MYRF: variants seen among roughly 807,000 people sequenced by gnomAD.
The protein encoded by MYRF is myelin gene regulatory factor.
MYRF carries 16 observed loss-of-function variants against 126.3 expected under a neutral mutation model. The observed-to-expected ratio is 0.13, with a 90% CI of 0.09 to 0.19. The LOEUF is 0.19. Among genes scored for constraint, MYRF ranks in the 10% least tolerant of loss-of-function variants. The pLI, the probability that MYRF is intolerant of heterozygous loss-of-function variation, is 1.00. For synonymous variants in MYRF, 608 were observed against 635.3 expected, an observed-to-expected ratio of 0.96 and a Z score of 0.65; for missense variants, 1,104 against 1,547.0, an observed-to-expected ratio of 0.71 and a Z score of 4.80.
rs761273770 is a variant in MYRF at position 61,776,379 on chromosome 11, C to T, written c.1446C>T (p.Ser482=). 1.1e-5 allele frequency: 17 copies of T among 1,613,054 alleles called. No individual in the cohort carries two copies. Among genetic ancestry groups the T allele is most frequent in the Admixed American group, 6.7e-5 (4 of 59,978 alleles). The change falls in exon 10 of 27, where the codon AGC becomes AGT. Residue 482 remains serine, a synonymous_variant. Coordinates refer to ENST00000278836, the MANE Select transcript of MYRF (RefSeq NM_001127392.3). The surrounding 1 kb of genome is among the most constrained non-coding windows in gnomAD (Gnocchi z 4.3). ...TKVTVGRLHF[S]ETTANNMRKK... is the part of the protein sequence containing the mutation. ...TGACTGTGGGGCGGCTGCACTTCAG[C>T]GAGACCACCGCTAACAACATGCGTA...
chr11:61,770,644 G>T, intron 5 of MYRF, 119 bp downstream of exon 5: 2 of 993,832 alleles, frequency 2.0e-6, no homozygotes, highest in South Asian at 3.4e-5. Context: ...AGGGAGGGCA[G>T]AAGGCTCTGC....
chr11:61,758,002 T>C (rs1591075421), intron 1 of MYRF, among the ~76,000 whole-genome samples: 1 of 152,040 alleles, frequency 6.6e-6, no homozygotes, highest in Admixed American at 6.5e-5. Context: ...GCAGCCTCCT[T>C]GACCTCTCTA....
intron 7 of MYRF, among the ~76,000 whole-genome samples, chr11:61,772,774 C>T (rs1393578078): frequency 2.0e-5 from 3 of 152,228 alleles, no homozygotes; most frequent in African/African-American, 7.2e-5. Flanking sequence ...GTGGCCCAGG[C>T]ACTTCCTGGG....
chr11:61,786,301 G>C lies in MYRF; in HGVS notation c.*158G>C. On this transcript the variant is annotated 3_prime_UTR_variant, in exon 27 of 27. Coordinates refer to ENST00000278836, the MANE Select transcript of MYRF (RefSeq NM_001127392.3). The surrounding 1 kb of genome is among the most constrained non-coding windows in gnomAD (Gnocchi z 4.5). ...TGAAACTGGAAGTCTTCACACTGGA[G>C]TTGCTGTTCCAGCTGGTCGCCCCTC... The C allele has an allele frequency of 1.4e-6, 1 of 719,728 alleles. No homozygotes were observed. 44.6% of individuals were successfully genotyped at this position (719,728 alleles called of 1,614,324 possible).
In MYRF at chr11:61,783,860, C is replaced by T; in HGVS notation, c.3129C>T (p.Asn1043=). ...CAPGDACRPG[N]FTYHIPVSSG... is the part of the protein sequence containing the mutation. ...AGTTTTGCCCCTGCAGGCCTGGGAA[C>T]TTCACCTACCACATCCCTGTCAGTA... The change falls in exon 24 of 27, where the codon AAC becomes AAT. Residue 1043 remains asparagine (N), a synonymous_variant. Transcript: ENST00000278836. This position sits in a 1 kb window ranked among gnomAD's most constrained non-coding sequence, Gnocchi z 4.6. The T allele has an allele frequency of 6.2e-7, 1 of 1,607,394 alleles. No homozygotes were observed. The highest frequency in any genetic ancestry group is 8.5e-7 in the Non-Finnish European group (1 of 1,176,808).
chr11:61,786,121 A>G lies in MYRF; in HGVS notation c.3434A>G (p.His1145Arg). 11 of 1,614,000 alleles carry G rather than the reference A, an allele frequency of 6.8e-6. No individual in the cohort carries two copies. Among genetic ancestry groups the G allele is most frequent in the Non-Finnish European group, 8.5e-6 (10 of 1,179,956 alleles). The change falls in exon 27 of 27, where the codon CAC becomes CGC. Residue 1145 changes from histidine to arginine, a missense_variant. Physicochemically the swap from His to Arg is conservative, Grantham distance 29. Transcript: ENST00000278836. The surrounding 1 kb of genome is among the most constrained non-coding windows in gnomAD (Gnocchi z 4.5). ...CAGCCAGCCACAGACTACCACTTCC[A>G]CTTCTACCGCCTGTGTGACTGAGCT... is the stretch of plus-strand genomic sequence containing the variant. ...LAQPATDYHF[H>R]FYRLCD
At chr11:61,764,521 C>G (rs1232119333) in intron 1 of MYRF, among the ~76,000 whole-genome samples, 1 of 152,176 alleles carries the variant, frequency 6.6e-6, no homozygotes, top group Non-Finnish European at 1.5e-5. Context: ...CCTGTCTGAG[C>G]TCAACAGGAG....
intron 1 of MYRF, among the ~76,000 whole-genome samples, chr11:61,756,263 C>T (rs2238003): frequency 0.22 from 33,741 of 151,960 alleles, 4,868 homozygotes; most frequent in East Asian, 0.39. Context: ...CCAGAGTGGA[C>T]ACCTAGCCCC....
Position 61,787,071 on chromosome 11 carries a change from C to T in MYRF, c.*928C>T, listed in dbSNP as rs1370441860. 6.5e-6 allele frequency: 1 copy of T among 152,788 alleles called. No individual in the cohort carries two copies. Among genetic ancestry groups the T allele is most frequent in the Non-Finnish European group, 1.5e-5 (1 of 68,068 alleles). The allele number at this position is 152,788 out of a possible 1,614,324, so 9.5% of individuals were successfully genotyped here. ...TCTGAGCAGAGGAGCAGGAATCCCT[C>T]AAGCAGCAGCCTGGTCTTGGCTGGT... On this transcript the variant is annotated 3_prime_UTR_variant, in exon 27 of 27. Transcript: ENST00000278836.
At chr11:61,769,828 G>C (rs1178123137) in intron 4 of MYRF, among the ~76,000 whole-genome samples, 1 of 152,190 alleles carries the variant, frequency 6.6e-6, no homozygotes, top group Admixed American at 6.5e-5. Context: ...AGGCTGGGGG[G>C]CTGGCCCCTG....
rs2135832416 is a variant in MYRF at position 61,776,449 on chromosome 11, C to T, written c.1499+17C>T. ...GGACCAGAGGTGAGCAGGTGGGGGCCCTGCCCCGGAGCCCCTCCATTTCTG... is the reference window on the plus strand; with the variant it reads ...GGACCAGAGGTGAGCAGGTGGGGGCTCTGCCCCGGAGCCCCTCCATTTCTG... On this transcript the variant is annotated intron_variant, in intron 10 of 26. Transcript: ENST00000278836. The surrounding 1 kb of genome is among the most constrained non-coding windows in gnomAD (Gnocchi z 4.3). 2 of 1,600,814 alleles carry T rather than the reference C, an allele frequency of 1.2e-6. No homozygotes were observed. The highest frequency in any genetic ancestry group is 1.7e-6 in the Non-Finnish European group (2 of 1,172,232).
intron 25 of MYRF, 29 bp from the exon 26 acceptor site, chr11:61,785,771 G>C: frequency 6.2e-7 from 1 of 1,600,240 alleles, no homozygotes; most frequent in Non-Finnish European, 8.6e-7. Flanking sequence ...GCAGCAGTCT[G>C]TCCTGACCCC....
At chr11:61,754,891 G>C (rs1317486838) in intron 1 of MYRF, among the ~76,000 whole-genome samples, 2 of 152,216 alleles carry the variant, frequency 1.3e-5, no homozygotes, top group Non-Finnish European at 2.9e-5. Flanking sequence ...AGGCCCATGT[G>C]GGGGACCCAC....
At chr11:61,774,225 C>T (rs2135813653) in intron 8 of MYRF, 63 bp downstream of exon 8, 1 of 1,453,494 alleles carries the variant, frequency 6.9e-7, no homozygotes, top group East Asian at 2.4e-5. Flanking sequence ...CTGAAAGACC[C>T]CAGAAAAAGC....
In MYRF at chr11:61,784,279, GCTC is replaced by G; in HGVS notation, c.3202_3204del (p.Ser1068del). 1 of 1,613,720 alleles carries G rather than the reference GCTC, an allele frequency of 6.2e-7. No individual in the cohort carries two copies. Among genetic ancestry groups the G allele is most frequent in the Non-Finnish European group, 8.5e-7 (1 of 1,179,908 alleles). ...TCTCTGCTAACTGGGCCTGTCTACA[GCTC>G]CTCCTCCCCCGTGTCTGTGGTGCTG... On this transcript the variant is annotated inframe_deletion and splice_region_variant, in exon 25 of 27. Transcript: ENST00000278836.
intron 25 of MYRF, 182 bp downstream of exon 25, chr11:61,784,567 T>C: frequency 1.7e-6 from 1 of 592,648 alleles, no homozygotes; most frequent in South Asian, 2.0e-5. Context: ...CCCGTGTTTG[T>C]TCATTGCACT....
chr11:61,779,064 C>T (rs2066469034), intron 14 of MYRF, 199 bp from the exon 15 acceptor site: 1 of 653,036 alleles, frequency 1.5e-6, no homozygotes, highest in South Asian at 1.7e-5. Flanking sequence ...GGAGGTGTTG[C>T]TCGGAGACAG....
At chr11:61,769,766 A>G (rs2066157828) in intron 4 of MYRF, among the ~76,000 whole-genome samples, 1 of 152,044 alleles carries the variant, frequency 6.6e-6, no homozygotes, top group South Asian at 2.1e-4. Flanking sequence ...CTTACCAAAA[A>G]CATCCCTGGA....
intron 1 of MYRF, 21 bp from the exon 2 acceptor site, chr11:61,765,603 GC>G (rs1284027616): frequency 3.1e-6 from 5 of 1,601,524 alleles, no homozygotes; most frequent in Non-Finnish European, 4.3e-6. Flanking sequence ...CTCTTCCCTA[GC>G]CCATCTCTCC....
Sources: gnomAD v4.1 joint callset for allele counts (sites outside exome capture counted in the v4.1 genomes callset) on GRCh38, gnomAD v4.1.1 for gene constraint, Gnocchi (gnomAD v3.1) non-coding constraint, MANE v1.5 for transcripts, NCBI Gene and HGNC (gene_info 2026-07-23, HGNC 2026-07-21) for gene names.